HNRNPDL: variants seen among roughly 807,000 people sequenced by gnomAD.
HNRNPDL encodes heterogeneous nuclear ribonucleoprotein D-like.
A neutral mutation model predicts 48.0 loss-of-function variants in HNRNPDL; 18 were observed. That is an observed-to-expected ratio of 0.38 (90% confidence interval 0.26 to 0.56). The LOEUF is 0.56. HNRNPDL is among the 20% of genes least tolerant of loss of function. The pLI is 0.77. For missense variants in HNRNPDL, 553 were observed against 540.7 expected (o/e 1.02, Z -0.23); for synonymous variants, 306 against 207.3 (o/e 1.48, Z -4.09).
In HNRNPDL at chr4:82,429,733, G is replaced by C; in HGVS notation, c.-43C>G. On this transcript the variant is annotated 5_prime_UTR_variant, in exon 1 of 8. Coordinates refer to ENST00000295470, the MANE Select transcript of HNRNPDL (RefSeq NM_031372.4). ...GGAGAGAGGCCACGCGTGAGGGGAC[G>C]CGGGCTTGGGAGAAGAGAAGAATCA... 7.7e-7 allele frequency: 1 copy of C among 1,298,028 alleles called. No individual in the cohort carries two copies. The highest frequency in any genetic ancestry group is 9.8e-7 in the Non-Finnish European group (1 of 1,015,280). The allele number at this position is 1,298,028 out of a possible 1,614,324, so 80.4% of individuals were successfully genotyped here.
intron 1 of HNRNPDL, among the ~76,000 whole-genome samples, chr4:82,428,746 T>C (rs1187251918): frequency 1.3e-5 from 2 of 152,204 alleles, no homozygotes; most frequent in Non-Finnish European, 2.9e-5. Context: ...GATGAATCCC[T>C]CACATCTTAT....
intron 1 of HNRNPDL, among the ~76,000 whole-genome samples, chr4:82,428,958 G>T (rs1459070080): frequency 6.6e-6 from 1 of 152,232 alleles, no homozygotes; most frequent in Non-Finnish European, 1.5e-5. Context: ...AGCGTGCAGC[G>T]CTGGGAGGCC....
rs147144818 is a variant in HNRNPDL, at chr4:82,427,889, T to C, written c.774+129A>G. The C allele has an allele frequency of 9.6e-5, 88 of 911,924 alleles. 1 individual carries two copies. In the African/African-American group the frequency reaches 1.3e-3, roughly 14 times the overall value. The allele number at this position is 911,924 out of a possible 1,614,324, so 56.5% of individuals were successfully genotyped here. Reference sequence around the variant, plus strand: ...AGCAATGAAATCAAGGTACAGTCACTGGAAGCGACTTGAGCAGTCATTTAA... The same window carrying C: ...AGCAATGAAATCAAGGTACAGTCACCGGAAGCGACTTGAGCAGTCATTTAA... On this transcript the variant is annotated intron_variant, in intron 3 of 7. Coordinates refer to ENST00000295470, the MANE Select transcript of HNRNPDL (RefSeq NM_031372.4).
Position 82,429,660 on chromosome 4 carries a change from G to GCAC in HNRNPDL, c.28_30dup (p.Val10dup). On this transcript the variant is annotated inframe_insertion, in exon 1 of 8. Transcript: ENST00000295470. ...GGAGCGGAGGGGAACAATGGCGGCGGCACATGGGAAAGCCTGGGCGGGACC... is the reference window on the plus strand; with the variant it reads ...GGAGCGGAGGGGAACAATGGCGGCGGCACCACATGGGAAAGCCTGGGCGGGACC... 7.3e-7 allele frequency: 1 copy of GCAC among 1,366,158 alleles called. No homozygotes were observed. The highest frequency in any genetic ancestry group is 9.4e-7 in the Non-Finnish European group (1 of 1,060,746). 84.6% of individuals were successfully genotyped at this position (1,366,158 alleles called of 1,614,324 possible).
At chr4:82,428,613 G>A (rs934179076) in intron 1 of HNRNPDL, among the ~76,000 whole-genome samples, 167 bp from the exon 2 acceptor site, 1 of 152,118 alleles carries the variant, frequency 6.6e-6, no homozygotes, top group African/African-American at 2.4e-5. Context: ...ATATCCCAAC[G>A]AAGTTACTCA....
At chr4:82,427,158 C>G (rs1405339499) in intron 5 of HNRNPDL, 32 bp downstream of exon 5, 2 of 1,364,984 alleles carry the variant, frequency 1.5e-6, no homozygotes, top group Admixed American at 1.7e-5. Flanking sequence ...TTAAATAAAC[C>G]ACGGAGTCAT....
intron 7 of HNRNPDL, 83 bp from the exon 8 acceptor site, chr4:82,424,966 T>C (rs1335381693): frequency 6.6e-6 from 1 of 152,232 alleles, no homozygotes; most frequent in Non-Finnish European, 1.5e-5. Context: ...TTGTTTTAAG[T>C]CCTCACTTTA....
Position 82,423,564 on chromosome 4 carries a change from T to C in HNRNPDL, c.*1342A>G, listed in dbSNP as rs1475522164. 6.6e-6 allele frequency: 1 copy of C among 151,644 alleles called. No homozygotes were observed. The highest frequency in any genetic ancestry group is 1.5e-5 in the Non-Finnish European group (1 of 67,964). The allele number at this position is 151,644 out of a possible 1,614,324, so 9.4% of individuals were successfully genotyped here. A position where few individuals can be genotyped will look rare whatever the true frequency, so the allele number is the denominator to read the frequency against. The stretch of plus-strand genomic sequence containing the variant: ...GGGAGGGCTCATGAGCATAAGAAAC[T>C]TACCAGTTTTGTGAGATCACCCGTT... On this transcript the variant is annotated 3_prime_UTR_variant, in exon 8 of 8. Transcript: ENST00000295470.
At chr4:82,429,111 C>T in intron 1 of HNRNPDL, 137 bp downstream of exon 1, 2 of 784,640 alleles carry the variant, frequency 2.5e-6, no homozygotes, top group East Asian at 2.5e-5. Context: ...TTCCTCTTCC[C>T]TCCAATCTAG....
Position 82,429,938 on chromosome 4 carries a change from T to A in HNRNPDL, c.-248A>T. ...CCTCGGTTCGCCAGTGCGGAGCCGCTGCGGCGGCCGCTGCTACCGACTAGC... is the reference window on the plus strand; with the variant it reads ...CCTCGGTTCGCCAGTGCGGAGCCGCAGCGGCGGCCGCTGCTACCGACTAGC... On this transcript the variant is annotated 5_prime_UTR_variant, in exon 1 of 8. Transcript: ENST00000295470. 1 of 304,224 alleles carries A rather than the reference T, an allele frequency of 3.3e-6. No individual in the cohort carries two copies. 18.8% of individuals were successfully genotyped at this position (304,224 alleles called of 1,614,324 possible).
In HNRNPDL at chr4:82,429,445, G is replaced by A. The variant is rs960441080; in HGVS notation, c.246C>T (p.Arg82=). 7.5e-6 allele frequency: 12 copies of A among 1,608,378 alleles called. No homozygotes were observed. Among genetic ancestry groups the A allele is most frequent in the African/African-American group, 5.3e-5 (4 of 74,812 alleles). ...TAAAATGGCGGCGGAAGAGATCCGG[G>A]CGCCGCCTGCGCCCTCCCTTTATAG... ...GAAIKGGRRR[R]PDLFRRHFKS... is the part of the protein sequence containing the mutation. Residue 82 remains arginine, a synonymous_variant, in exon 1 of 8, where the codon CGC becomes CGT. Transcript: ENST00000295470.
At chr4:82,426,683 C>A (rs778804511) in intron 5 of HNRNPDL, 50 bp from the exon 6 acceptor site, 1 of 1,501,640 alleles carries the variant, frequency 6.7e-7, no homozygotes, top group South Asian at 1.1e-5. Flanking sequence ...ACCCCCAATT[C>A]TAACATAAAA....
chr4:82,429,335 G>A lies in HNRNPDL; in HGVS notation c.356C>T (p.Thr119Ile), dbSNP rs75779369. ...GCTGTACTCGTTCATATCCTCCATA[G>A]TGACGGAGCTGTCGGCAGGGGGGTG... ...RQHPPADSSVTMEDMNEYSNI... is the reference protein window; with the variant it reads ...RQHPPADSSVIMEDMNEYSNI... The change falls in exon 1 of 8, where the codon ACT becomes ATT. Residue 119 changes from threonine to isoleucine, a missense_variant. Thr to Ile is a moderately conservative substitution (Grantham distance 89, BLOSUM62 -1). Around this residue, in one of 4 missense-constraint regions of HNRNPDL, gnomAD observed 327 missense variants for 203.2 expected, o/e 1.61. Transcript: ENST00000295470. 3,464 of 1,613,886 alleles carry A rather than the reference G, an allele frequency of 2.1e-3. 59 individuals are homozygous for A. In the African/African-American group the frequency reaches 0.039, roughly 18 times the overall value.
In HNRNPDL at chr4:82,428,338, G is replaced by C. The variant is rs757774444; in HGVS notation, c.552C>G (p.Val184=). The stretch of plus-strand genomic sequence containing the variant: ...ATCCAAATCCTCTTGATCTCCCAGT[G>C]ACTGGATCTGTTTTAATTGTGCAGT... ...VVDCTIKTDP[V]TGRSRGFGFV... The change falls in exon 2 of 8, where the codon GTC becomes GTG. Residue 184 remains valine, a synonymous_variant. Coordinates refer to ENST00000295470, the MANE Select transcript of HNRNPDL (RefSeq NM_031372.4). 5.6e-6 allele frequency: 9 copies of C among 1,613,828 alleles called. No homozygotes were observed. Among genetic ancestry groups the C allele is most frequent in the Non-Finnish European group, 7.6e-6 (9 of 1,179,866 alleles).
In HNRNPDL at chr4:82,427,039, C is replaced by T. The variant is rs572577877; in HGVS notation, c.1021+151G>A. The T allele has an allele frequency of 2.5e-3, 1,806 of 708,740 alleles. 1 individual carries two copies. Among genetic ancestry groups the T allele is most frequent in the Admixed American group, 4.5e-3 (170 of 37,536 alleles). 43.9% of individuals were successfully genotyped at this position (708,740 alleles called of 1,614,324 possible). On this transcript the variant is annotated intron_variant, in intron 5 of 7. Coordinates refer to ENST00000295470, the MANE Select transcript of HNRNPDL (RefSeq NM_031372.4). The stretch of plus-strand genomic sequence containing the variant: ...AAACCAGTGAGCTCACAACAAAAAA[C>T]CACCACACACAACCTCCACTAAGCT...
intron 3 of HNRNPDL, among the ~76,000 whole-genome samples, 199 bp from the exon 4 acceptor site, chr4:82,427,763 A>C (rs1721479284): frequency 6.6e-6 from 1 of 152,230 alleles, no homozygotes; most frequent in African/African-American, 2.4e-5. Context: ...AATTAATATT[A>C]TTTTGTACCC....
In HNRNPDL at chr4:82,424,363, T is replaced by C. The variant is rs1376147922; in HGVS notation, c.*543A>G. 1 of 152,622 alleles carries C rather than the reference T, an allele frequency of 6.6e-6. No individual in the cohort carries two copies. Among genetic ancestry groups the C allele is most frequent in the African/African-American group, 2.4e-5 (1 of 41,462 alleles). 9.5% of individuals were successfully genotyped at this position (152,622 alleles called of 1,614,324 possible). A position where few individuals can be genotyped will look rare whatever the true frequency, so the allele number is the denominator to read the frequency against. ...TAATCACAACACTTATGTCTTCCTT[T>C]CAGGACAGTCTTCAGATAACCAGAA... On this transcript the variant is annotated 3_prime_UTR_variant, in exon 8 of 8. Transcript: ENST00000295470.
Position 82,429,573 on chromosome 4 carries a change from G to C in HNRNPDL, c.118C>G (p.Pro40Ala). 7.2e-7 allele frequency: 1 copy of C among 1,393,880 alleles called. No individual in the cohort carries two copies. Among genetic ancestry groups the C allele is most frequent in the Non-Finnish European group, 9.3e-7 (1 of 1,077,926 alleles). The allele number at this position is 1,393,880 out of a possible 1,614,324, so 86.3% of individuals were successfully genotyped here. ...WRPRPPRQLAPLLPSLAPSSA... is the reference protein window; with the variant it reads ...WRPRPPRQLAALLPSLAPSSA... ...CTGGGAGCGAGCGAAGGGAGGAGCG[G>C]GGCTAGCTGCCGCGGCGGCCGCGGC... The change falls in exon 1 of 8, where the codon CCG (proline) becomes GCG (alanine). Residue 40 changes from proline to alanine, a missense_variant. By Grantham distance (27) the Pro-to-Ala change is conservative (BLOSUM62 -1). Around this residue, in one of 4 missense-constraint regions of HNRNPDL, gnomAD observed 327 missense variants for 203.2 expected, o/e 1.61. Coordinates refer to ENST00000295470, the MANE Select transcript of HNRNPDL (RefSeq NM_031372.4).
At position 82,422,872 on chromosome 4, in the gene HNRNPDL, T is replaced by C. The variant is rs899435250; in HGVS notation, c.*2034A>G. 1.3e-4 allele frequency: 20 copies of C among 152,372 alleles called. No homozygotes were observed. The highest frequency in any genetic ancestry group is 7.8e-4 in the Admixed American group (12 of 15,306). 9.4% of individuals were successfully genotyped at this position (152,372 alleles called of 1,614,324 possible). On this transcript the variant is annotated 3_prime_UTR_variant, in exon 8 of 8. Coordinates refer to ENST00000295470, the MANE Select transcript of HNRNPDL (RefSeq NM_031372.4). ...CACAGAGTATTTGTTATAGGTACTT[T>C]AGAATTCATTTCTATCCCCTCCCCA...
Sources: allele counts gnomAD v4.1 joint callset (sites outside exome capture counted in the v4.1 genomes callset), GRCh38; gene constraint gnomAD v4.1.1; regional missense constraint gnomAD v4.1.1; transcripts MANE v1.5; gene names NCBI Gene and HGNC (gene_info 2026-07-23, HGNC 2026-07-21).